Variants in SLC9A9 observed in about 807,000 individuals in gnomAD.
SLC9A9 encodes sodium/hydrogen exchanger 9.
Under a neutral mutation model 77.8 loss-of-function variants are expected in SLC9A9, and 62 were observed. That is an observed-to-expected ratio of 0.80 (90% confidence interval 0.65 to 0.98). SLC9A9 has a LOEUF of 0.98. SLC9A9 is among the 50% of genes least tolerant of loss of function. The pLI, the probability that SLC9A9 is intolerant of heterozygous loss-of-function variation, is 0.00. For missense variants in SLC9A9, 775 were observed against 774.9 expected, an observed-to-expected ratio of 1.00 and a Z score of 0.00; for synonymous variants, 320 against 283.5, an observed-to-expected ratio of 1.13 and a Z score of -1.29.
intron 12 of SLC9A9, among the ~76,000 whole-genome samples, chr3:143,390,006 T>C (rs774736642): frequency 4.6e-5 from 7 of 152,244 alleles, no homozygotes; most frequent in Non-Finnish European, 8.8e-5. Context: ...TTTCCACCAC[T>C]GCATGGACAC....
chr3:143,829,405 G>T (rs2009379522), intron 2 of SLC9A9, among the ~76,000 whole-genome samples: 2 of 152,102 alleles, frequency 1.3e-5, no homozygotes, highest in Non-Finnish European at 2.9e-5. Context: ...ACTTACTGCA[G>T]TCTCACCTTC....
At chr3:143,303,316 T>C (rs902723056) in intron 14 of SLC9A9, among the ~76,000 whole-genome samples, 1 of 152,154 alleles carries the variant, frequency 6.6e-6, no homozygotes, top group African/African-American at 2.4e-5. Context: ...TGAACTGAGT[T>C]TCCAAAGGGG....
At chr3:143,848,120 A>G (rs1185012228) in intron 1 of SLC9A9, 28 bp downstream of exon 1, 1 of 1,598,870 alleles carries the variant, frequency 6.3e-7, no homozygotes, top group East Asian at 2.2e-5. Flanking sequence ...AACAAGTTTC[A>G]CATCAATCTC....
At chr3:143,779,370 T>C (rs1383422907) in intron 4 of SLC9A9, among the ~76,000 whole-genome samples, 1 of 152,058 alleles carries the variant, frequency 6.6e-6, no homozygotes, top group African/African-American at 2.4e-5. Flanking sequence ...TTTTTTGGGT[T>C]TTTTGTTTGT....
chr3:143,276,997 T>A (rs2108402656), intron 14 of SLC9A9, among the ~76,000 whole-genome samples: 1 of 152,270 alleles, frequency 6.6e-6, no homozygotes, highest in South Asian at 2.1e-4. Flanking sequence ...TGGGAGTTGG[T>A]TTTAGCAATG....
In SLC9A9 at chr3:143,693,297, A is replaced by G. The variant is rs765840707; in HGVS notation, c.544T>C (p.Tyr182His). ...ISCIVIGLIM[Y>H]GFVKAMIHAG... ...TGTATCATAGCCTTCACAAAACCAT[A>G]CATAATTAACCTGTTGAAGAGAAAA... is the stretch of plus-strand genomic sequence containing the variant. Residue 182 changes from tyrosine to histidine, a missense_variant, in exon 5 of 16, where the codon TAT (tyrosine) becomes CAT (histidine). Tyr to His is a moderately conservative substitution (Grantham distance 83). Transcript: ENST00000316549. The G allele has an allele frequency of 5.8e-5, 94 of 1,612,490 alleles. 1 individual carries two copies. The South Asian group carries it at 5.9e-4, about 10-fold the overall frequency.
At chr3:143,804,125 T>A (rs1304170350) in intron 2 of SLC9A9, among the ~76,000 whole-genome samples, 1 of 152,150 alleles carries the variant, frequency 6.6e-6, no homozygotes, top group Admixed American at 6.5e-5. Context: ...CGATGTTCCT[T>A]CACTCTTCAT....
intron 14 of SLC9A9, among the ~76,000 whole-genome samples, chr3:143,280,744 G>A (rs1452824523): frequency 6.6e-6 from 1 of 151,804 alleles, no homozygotes; most frequent in Non-Finnish European, 1.5e-5. Flanking sequence ...GTAGAGACAG[G>A]GTTTCACTAT....
At chr3:143,692,716 C>A (rs985961585) in intron 5 of SLC9A9, among the ~76,000 whole-genome samples, 2 of 152,106 alleles carry the variant, frequency 1.3e-5, no homozygotes, top group Non-Finnish European at 2.9e-5. Context: ...TGTTCTAGAG[C>A]AGGGGTGTCC....
chr3:143,538,697 G>A (rs1000841970), intron 9 of SLC9A9, among the ~76,000 whole-genome samples: 2 of 152,004 alleles, frequency 1.3e-5, no homozygotes, highest in Non-Finnish European at 2.9e-5. Context: ...CTTCTATCCC[G>A]GCCCTACGTT....
intron 14 of SLC9A9, among the ~76,000 whole-genome samples, chr3:143,293,383 A>G (rs891183595): frequency 6.6e-6 from 1 of 152,224 alleles, no homozygotes; most frequent in South Asian, 2.1e-4. Context: ...TATTGTGTAC[A>G]TAAAGTTAGC....
chr3:143,445,965 A>G (rs910789705), intron 12 of SLC9A9, among the ~76,000 whole-genome samples: 1 of 152,184 alleles, frequency 6.6e-6, no homozygotes, highest in Non-Finnish European at 1.5e-5. Flanking sequence ...TGCTCAGAGT[A>G]AGTTTAAGAA....
intron 14 of SLC9A9, among the ~76,000 whole-genome samples, chr3:143,318,234 T>C (rs1474283544): frequency 6.6e-6 from 1 of 152,196 alleles, no homozygotes; most frequent in East Asian, 1.9e-4. Context: ...CATTTTACCC[T>C]TCTCTCAGTA....
chr3:143,742,068 T>A (rs1328812140), intron 4 of SLC9A9, among the ~76,000 whole-genome samples: 2 of 151,978 alleles, frequency 1.3e-5, no homozygotes, highest in African/African-American at 4.8e-5. Context: ...ATTCTGACCC[T>A]CCTTAAACTG....
chr3:143,523,924 G>A (rs1419233173), intron 9 of SLC9A9, among the ~76,000 whole-genome samples: 3 of 152,150 alleles, frequency 2.0e-5, no homozygotes, highest in African/African-American at 7.2e-5. Context: ...GAATATAAAT[G>A]TCTCTTCCAC....
intron 14 of SLC9A9, among the ~76,000 whole-genome samples, chr3:143,362,877 A>G (rs1054372736): frequency 6.6e-6 from 1 of 152,224 alleles, no homozygotes; most frequent in Non-Finnish European, 1.5e-5. Flanking sequence ...CTATGTTTAC[A>G]GTGATTGCTA....
chr3:143,691,323 G>A (rs1933456210), intron 5 of SLC9A9, among the ~76,000 whole-genome samples: 2 of 151,966 alleles, frequency 1.3e-5, no homozygotes, highest in South Asian at 4.1e-4. Context: ...TCCCAACTTG[G>A]CCTCCCATAG....
chr3:143,482,497 C>T lies in SLC9A9; in HGVS notation c.1315+11156G>A, dbSNP rs1017263826. ...GTCAATGAATTTGAGAAACAGTGTT[C>T]GCTGACATATCATCTGGCTCCTACA... is the stretch of plus-strand genomic sequence containing the variant. On this transcript the variant is annotated intron_variant, in intron 11 of 15. Transcript: ENST00000316549. Among the ~76,000 whole-genome samples, 11 of 152,312 alleles carry T rather than the reference C, an allele frequency of 7.2e-5. No homozygotes were observed. In the East Asian group the frequency reaches 1.3e-3, roughly 19 times the overall value.
At chr3:143,520,266 A>C (rs2036273462) in intron 9 of SLC9A9, among the ~76,000 whole-genome samples, 1 of 152,216 alleles carries the variant, frequency 6.6e-6, no homozygotes, top group Non-Finnish European at 1.5e-5. Context: ...GAAGTAATTA[A>C]GTTTGAATGA....
Sources: gnomAD v4.1 joint callset for allele counts (sites outside exome capture counted in the v4.1 genomes callset) on GRCh38, gnomAD v4.1.1 for gene constraint, MANE v1.5 for transcripts, NCBI Gene and HGNC (gene_info 2026-07-23, HGNC 2026-07-21) for gene names.